Variants in VANGL1 observed in about 807,000 individuals in gnomAD.
VANGL1 encodes the protein vang-like protein 1.
A neutral mutation model predicts 48.4 loss-of-function variants in VANGL1; 18 were observed. The ratio of observed to expected loss-of-function variants is 0.37; its 90% CI spans 0.26 to 0.55. The LOEUF (loss-of-function observed/expected upper bound fraction) is 0.55, where lower values mean the gene tolerates loss of function less well. VANGL1 is among the 20% of genes least tolerant of loss of function. The pLI, the probability that VANGL1 is intolerant of heterozygous loss-of-function variation, is 0.81. For missense variants in VANGL1, 667 were observed against 675.8 expected, an observed-to-expected ratio of 0.99 and a Z score of 0.14; for synonymous variants, 257 against 261.8, an observed-to-expected ratio of 0.98 and a Z score of 0.18.
At chr1:115,669,960 C>T (rs973055441) in intron 4 of VANGL1, among the ~76,000 whole-genome samples, 1 of 152,172 alleles carries the variant, frequency 6.6e-6, no homozygotes, top group African/African-American at 2.4e-5. Flanking sequence ...CCCCCAAATT[C>T]ATATGTGGAA....
chr1:115,683,808 A>C lies in VANGL1; in HGVS notation c.947-136A>C, dbSNP rs1030801727. 5 of 1,172,942 alleles carry C rather than the reference A, an allele frequency of 4.3e-6. No homozygotes were observed. In the African/African-American group the frequency reaches 7.6e-5, roughly 18 times the overall value. 72.7% of individuals were successfully genotyped at this position (1,172,942 alleles called of 1,614,324 possible). Reference sequence around the variant, plus strand: ...CGGGGCACAGTTCACCCTCCTGGGAAGTGACCTTTAGGATTTGTGTGTGTG... The same window carrying C: ...CGGGGCACAGTTCACCCTCCTGGGACGTGACCTTTAGGATTTGTGTGTGTG... On this transcript the variant is annotated intron_variant, in intron 5 of 7. Coordinates refer to ENST00000355485, the MANE Select transcript of VANGL1 (RefSeq NM_138959.3).
chr1:115,671,676 G>C (rs1351713988), intron 4 of VANGL1, among the ~76,000 whole-genome samples: 3 of 152,214 alleles, frequency 2.0e-5, no homozygotes, highest in Non-Finnish European at 4.4e-5. Flanking sequence ...ATCCCAGGCA[G>C]GGGAGGCGCA....
intron 3 of VANGL1, among the ~76,000 whole-genome samples, chr1:115,662,967 A>G (rs2101003815): frequency 6.6e-6 from 1 of 152,162 alleles, no homozygotes; most frequent in East Asian, 1.9e-4. Context: ...TTGTATTTTT[A>G]GTAGAGACGG....
rs1338132482 is a variant in VANGL1 at position 115,694,227 on chromosome 1, T to TA, written c.*2851dup. On this transcript the variant is annotated 3_prime_UTR_variant, in exon 8 of 8. Coordinates refer to ENST00000355485, the MANE Select transcript of VANGL1 (RefSeq NM_138959.3). ...TCTGTAATACTTTGGCTAAAATTCA[T>TA]AAAGTAAGCCCTAGAGAAAATACTT... 3 of 152,350 alleles carry TA rather than the reference T, an allele frequency of 2.0e-5. No individual in the cohort carries two copies. The highest frequency in any genetic ancestry group is 4.4e-5 in the Non-Finnish European group (3 of 68,026). The allele number at this position is 152,350 out of a possible 1,614,324, so 9.4% of individuals were successfully genotyped here.
At chr1:115,652,457 A>T (rs1167805887) in intron 2 of VANGL1, among the ~76,000 whole-genome samples, 1 of 152,244 alleles carries the variant, frequency 6.6e-6, no homozygotes, top group African/African-American at 2.4e-5. Flanking sequence ...CATCTGTAAA[A>T]TGGGTACAGC....
At position 115,675,368 on chromosome 1, in the gene VANGL1, G is replaced by T. The variant is rs144239646; in HGVS notation, c.813-6996G>T. On this transcript the variant is annotated intron_variant, in intron 4 of 7. Coordinates refer to ENST00000355485, the MANE Select transcript of VANGL1 (RefSeq NM_138959.3). ...TACAAAAAATGAGCCAGGCGTGGTG[G>T]CATGTGCCTGTAGTCCCAGCTACTC... Among the ~76,000 whole-genome samples, 31 of 152,258 alleles carry T rather than the reference G, an allele frequency of 2.0e-4. No individual in the cohort carries two copies. In the East Asian group the frequency reaches 5.8e-3, roughly 28 times the overall value.
chr1:115,667,443 C>T (rs778913201), intron 4 of VANGL1, among the ~76,000 whole-genome samples: 3 of 152,170 alleles, frequency 2.0e-5, no homozygotes, highest in Admixed American at 1.3e-4. Flanking sequence ...GCCCAGTGCC[C>T]TAGGAGTTAT....
intron 4 of VANGL1, among the ~76,000 whole-genome samples, chr1:115,671,831 G>T (rs1335514260): frequency 6.6e-6 from 1 of 152,186 alleles, no homozygotes; most frequent in Non-Finnish European, 1.5e-5. Flanking sequence ...TGCCCCAGTA[G>T]GGGAGGTCTG....
chr1:115,697,051 T>A lies in VANGL1; in HGVS notation c.*5672T>A, dbSNP rs889403555. 1.3e-5 allele frequency: 2 copies of A among 152,224 alleles called. No individual in the cohort carries two copies. Among genetic ancestry groups the A allele is most frequent in the African/African-American group, 4.8e-5 (2 of 41,464 alleles). The allele number at this position is 152,224 out of a possible 1,614,324, so 9.4% of individuals were successfully genotyped here. On this transcript the variant is annotated 3_prime_UTR_variant, in exon 8 of 8. Coordinates refer to ENST00000355485, the MANE Select transcript of VANGL1 (RefSeq NM_138959.3). ...GCTTTCACTTGTAGACATGGCCTTT[T>A]GTTGTGAAGTTGCTCATCATTTAGG...
At chr1:115,668,248 A>G (rs1164550573) in intron 4 of VANGL1, among the ~76,000 whole-genome samples, 1 of 152,122 alleles carries the variant, frequency 6.6e-6, no homozygotes, top group Non-Finnish European at 1.5e-5. Flanking sequence ...TTAGGAACAC[A>G]TGAACAAACC....
In VANGL1 at chr1:115,682,506, C is replaced by G. The variant is rs1358739533; in HGVS notation, c.946+9C>G. The stretch of plus-strand genomic sequence containing the variant: ...AGTCTACAATGTAGATGGTATGTGC[C>G]TTGAAAGGGTGTCCGTGGTGCTCAC... On this transcript the variant is annotated intron_variant, in intron 5 of 7. Transcript: ENST00000355485. The G allele has an allele frequency of 6.2e-7, 1 of 1,614,128 alleles. No homozygotes were observed. The highest frequency in any genetic ancestry group is 8.5e-7 in the Non-Finnish European group (1 of 1,180,026).
chr1:115,676,542 G>A (rs1653173867), intron 4 of VANGL1, among the ~76,000 whole-genome samples: 2 of 152,198 alleles, frequency 1.3e-5, no homozygotes, highest in Admixed American at 1.3e-4. Flanking sequence ...ACTTTAAAAT[G>A]TGTTATTTCA....
chr1:115,664,836 G>A lies in VANGL1; in HGVS notation c.812+568G>A, dbSNP rs1652713173. Among the ~76,000 whole-genome samples the A allele has an allele frequency of 2.6e-5, 4 of 152,168 alleles. 1 individual carries two copies. The South Asian group carries it at 8.3e-4, about 32-fold the overall frequency. ...ATGTATGCGTGAGAAAAAGTTAGAAGTCAGTTGGGTTGTCATACTTACATC... is the reference window on the plus strand; with the variant it reads ...ATGTATGCGTGAGAAAAAGTTAGAAATCAGTTGGGTTGTCATACTTACATC... On this transcript the variant is annotated intron_variant, in intron 4 of 7. Coordinates refer to ENST00000355485, the MANE Select transcript of VANGL1 (RefSeq NM_138959.3).
chr1:115,691,051 G>A, intron 7 of VANGL1, 68 bp from the exon 8 acceptor site: 2 of 1,610,542 alleles, frequency 1.2e-6, no homozygotes, highest in South Asian at 2.2e-5. Context: ...AGAGTGGATA[G>A]CCGCCTGGCA....
chr1:115,681,506 T>TTG (rs1169110658), intron 4 of VANGL1, among the ~76,000 whole-genome samples: 2 of 73,740 alleles, frequency 2.7e-5, no homozygotes, highest in Non-Finnish European at 6.6e-5. Flanking sequence ...TTTTGTTGTT[T>TTG]TTTTTGTTTT....
At chr1:115,683,336 G>C (rs1490036823) in intron 5 of VANGL1, among the ~76,000 whole-genome samples, 1 of 152,158 alleles carries the variant, frequency 6.6e-6, no homozygotes, top group Non-Finnish European at 1.5e-5. Context: ...AGTTAAGGTG[G>C]TCAGTGGTCA....
At chr1:115,675,596 G>A (rs192762307) in intron 4 of VANGL1, among the ~76,000 whole-genome samples, 2 of 151,632 alleles carry the variant, frequency 1.3e-5, no homozygotes, top group African/African-American at 4.9e-5. Flanking sequence ...GGTCAGGAGT[G>A]CAAGACCAGC....
chr1:115,686,110 AATGTAATT>A (rs1653606545), intron 7 of VANGL1, among the ~76,000 whole-genome samples: 1 of 152,084 alleles, frequency 6.6e-6, no homozygotes, highest in African/African-American at 2.4e-5. Context: ...TGCCATATTC[AATGTAATT>A]CTTACACAAC....
At chr1:115,654,812 G>A (rs1211187287) in intron 2 of VANGL1, among the ~76,000 whole-genome samples, 4 of 152,122 alleles carry the variant, frequency 2.6e-5, no homozygotes, top group African/African-American at 9.7e-5. Flanking sequence ...CTCCCTCATA[G>A]CCATTGTCTC....
Sources: gnomAD v4.1 joint callset for allele counts (sites outside exome capture counted in the v4.1 genomes callset) on GRCh38, gnomAD v4.1.1 for gene constraint, MANE v1.5 for transcripts, NCBI Gene and HGNC (gene_info 2026-07-23, HGNC 2026-07-21) for gene names.